Variants in DNM2 observed in about 807,000 individuals in gnomAD.
DNM2 encodes dynamin 2, also known as dynamin-2.
Under a neutral mutation model 99.0 loss-of-function variants are expected in DNM2, and 15 were observed. That is an observed-to-expected ratio of 0.15 (90% CI 0.10 to 0.23). The LOEUF is 0.23. Ranked by LOEUF, DNM2 falls within the 10% of genes least tolerant of loss-of-function variation. The pLI is 1.00. For synonymous variants in DNM2, 525 were observed against 481.2 expected, an observed-to-expected ratio of 1.09 and a Z score of -1.19; for missense variants, 742 against 1,189.4, an observed-to-expected ratio of 0.62 and a Z score of 5.53.
rs1474456266 is a variant in DNM2, at chr19:10,816,489, C to A, written c.1672-3491C>A. ...GATGTGGGAGGAGTGTGGAGCCAGG[C>A]GTGGTCTGCAGCCTTCTCCCCGCCT... On this transcript the variant is annotated intron_variant, in intron 15 of 20. Transcript: ENST00000389253. This position sits in a 1 kb window ranked among gnomAD's most constrained non-coding sequence, Gnocchi z 4.6. Among the ~76,000 whole-genome samples the A allele has an allele frequency of 6.6e-6, 1 of 152,014 alleles. No homozygotes were observed. The highest frequency in any genetic ancestry group is 2.4e-5 in the African/African-American group (1 of 41,366).
In DNM2 at chr19:10,820,587, G is replaced by A. The variant is rs994178133; in HGVS notation, c.1781+498G>A. Among the ~76,000 whole-genome samples the A allele has an allele frequency of 4.6e-5, 7 of 152,220 alleles. No homozygotes were observed. The highest frequency in any genetic ancestry group is 8.8e-5 in the Non-Finnish European group (6 of 68,026). On this transcript the variant is annotated intron_variant, in intron 16 of 20. Transcript: ENST00000389253. This position sits in a 1 kb window ranked among gnomAD's most constrained non-coding sequence, Gnocchi z 4.3. Reference sequence around the variant, plus strand: ...AGGCACCAATTGTGACCCTGAGTACGTGGGCCTGAGCTCCTGCACTGCCCA... The same window carrying A: ...AGGCACCAATTGTGACCCTGAGTACATGGGCCTGAGCTCCTGCACTGCCCA...
At chr19:10,730,049 A>G (rs898708475) in intron 1 of DNM2, among the ~76,000 whole-genome samples, 7 of 152,122 alleles carry the variant, frequency 4.6e-5, no homozygotes, top group Non-Finnish European at 8.8e-5. Flanking sequence ...TCTTTTGTAC[A>G]GATGGGGTTT....
intron 7 of DNM2, among the ~76,000 whole-genome samples, chr19:10,789,109 A>G (rs2071663149): frequency 6.6e-6 from 1 of 152,158 alleles, no homozygotes. Context: ...GAGGCAGGAG[A>G]ATCGCTTGAA....
chr19:10,797,531 G>A lies in DNM2; in HGVS notation c.1335+13G>A, dbSNP rs1257134758. ...GTGTGCCGAGAAGGTAACAGGTTTT[G>A]TTCTCATCTCCGCATTTGTCCCCGT... On this transcript the variant is annotated intron_variant, in intron 10 of 20. Coordinates refer to ENST00000389253, the MANE Select transcript of DNM2 (RefSeq NM_001005361.3). The A allele has an allele frequency of 6.2e-7, 1 of 1,613,956 alleles. No homozygotes were observed. The highest frequency in any genetic ancestry group is 1.7e-5 in the Admixed American group (1 of 60,006).
intron 1 of DNM2, among the ~76,000 whole-genome samples, chr19:10,757,732 G>A (rs2070443502): frequency 6.6e-6 from 1 of 152,028 alleles, no homozygotes; most frequent in Non-Finnish European, 1.5e-5. Context: ...ATCACCTGAG[G>A]TTGAGTTCGA....
chr19:10,759,938 C>T, intron 2 of DNM2, 127 bp downstream of exon 2: 3 of 1,300,928 alleles, frequency 2.3e-6, no homozygotes, highest in African/African-American at 1.5e-5. Context: ...ACGTGTTCCA[C>T]ATGTGTGAGG....
intron 1 of DNM2, among the ~76,000 whole-genome samples, chr19:10,720,982 G>C (rs1015809948): frequency 6.6e-6 from 1 of 152,152 alleles, no homozygotes; most frequent in Non-Finnish European, 1.5e-5. Context: ...AGGCTGTAAA[G>C]TGAGGAGTTA....
chr19:10,748,775 T>TGTGACTTTCA (rs2070087906), intron 1 of DNM2, among the ~76,000 whole-genome samples: 1 of 152,140 alleles, frequency 6.6e-6, no homozygotes, highest in Non-Finnish European at 1.5e-5. Flanking sequence ...CTGGCATCCT[T>TGTGACTTTCA]GTGACTTTCA....
At chr19:10,805,840 C>A in intron 12 of DNM2, 76 bp from the exon 13 acceptor site, 1 of 1,593,618 alleles carries the variant, frequency 6.3e-7, no homozygotes, top group Non-Finnish European at 8.6e-7. Context: ...AGGGAGAGAA[C>A]GGCCACATTC....
chr19:10,747,590 C>T (rs951936082), intron 1 of DNM2, among the ~76,000 whole-genome samples: 1 of 152,126 alleles, frequency 6.6e-6, no homozygotes, highest in Non-Finnish European at 1.5e-5. Context: ...TGAGAAGTCT[C>T]CTCATCTGTA....
chr19:10,800,183 G>T (rs2072086961), intron 11 of DNM2, among the ~76,000 whole-genome samples: 1 of 152,182 alleles, frequency 6.6e-6, no homozygotes, highest in South Asian at 2.1e-4. Flanking sequence ...TCTCTCAGTT[G>T]TCCTCTGTGT....
At chr19:10,792,365 G>T (rs2071782118) in intron 7 of DNM2, among the ~76,000 whole-genome samples, 1 of 152,162 alleles carries the variant, frequency 6.6e-6, no homozygotes, top group Admixed American at 6.5e-5. Flanking sequence ...AGTAGATCAT[G>T]ATTTTTGGGA....
At position 10,739,018 on chromosome 19, in the gene DNM2, A is replaced by G. The variant is rs189574666; in HGVS notation, c.161+20615A>G. Among the ~76,000 whole-genome samples, 16 of 151,932 alleles carry G rather than the reference A, an allele frequency of 1.1e-4. No individual in the cohort carries two copies. The East Asian group carries it at 1.9e-3, about 18-fold the overall frequency. Reference sequence around the variant, plus strand: ...CCCGTCTCTACTAAAAATACAAAAGATTAGCGGGGCGTGGTAGCGGGCGCC... The same window carrying G: ...CCCGTCTCTACTAAAAATACAAAAGGTTAGCGGGGCGTGGTAGCGGGCGCC... On this transcript the variant is annotated intron_variant, in intron 1 of 20. Transcript: ENST00000389253.
At position 10,777,211 on chromosome 19, in the gene DNM2, G is replaced by C; in HGVS notation, c.683G>C (p.Arg228Thr). 6.2e-7 allele frequency: 1 copy of C among 1,614,180 alleles called. No individual in the cohort carries two copies. The highest frequency in any genetic ancestry group is 8.5e-7 in the Non-Finnish European group (1 of 1,180,012). ...DVLENKLLPL[R>T]RGYIGVVNRS... Reference sequence around the variant, plus strand: ...TTGGAGAACAAGTTGCTCCCGTTGAGAAGAGGTGTGGCTTTGGGGGTGCTG... The same window carrying C: ...TTGGAGAACAAGTTGCTCCCGTTGACAAGAGGTGTGGCTTTGGGGGTGCTG... Residue 228 changes from arginine to threonine, a missense_variant, in exon 5 of 21, where the codon AGA (arginine) becomes ACA (threonine). Arg to Thr is a moderately conservative substitution (Grantham distance 71, BLOSUM62 -1). Around this residue, in one of 7 missense-constraint regions of DNM2, gnomAD observed 192 missense variants for 358.9 expected, o/e 0.54. Transcript: ENST00000389253.
chr19:10,729,936 C>T (rs190216202), intron 1 of DNM2, among the ~76,000 whole-genome samples: 177 of 151,720 alleles, frequency 1.2e-3, no homozygotes, highest in Non-Finnish European at 2.1e-3. Context: ...AGTCATGGCT[C>T]GCTGCAGCCT....
At chr19:10,728,043 C>T (rs745709528) in intron 1 of DNM2, among the ~76,000 whole-genome samples, 41 of 152,298 alleles carry the variant, frequency 2.7e-4, no homozygotes, top group Middle Eastern at 6.8e-3. Flanking sequence ...ACGCCTGCTT[C>T]CGGGTGCGTT....
Position 10,829,273 on chromosome 19 carries a change from G to A in DNM2, c.2291+5G>A, listed in dbSNP as rs747057769. ...CCAGAGCGCCAGCAGCCACAGGTCC[G>A]GAAGCCTGGTTCCCCTACCCTCAAG... On this transcript the variant is annotated splice_donor_5th_base_variant and intron_variant, in intron 19 of 20. Coordinates refer to ENST00000389253, the MANE Select transcript of DNM2 (RefSeq NM_001005361.3). 18 of 1,612,226 alleles carry A rather than the reference G, an allele frequency of 1.1e-5. No individual in the cohort carries two copies. The highest frequency in any genetic ancestry group is 8.3e-5 in the Admixed American group (5 of 59,998).
chr19:10,778,028 T>TTTATTTAC (rs1238471750), intron 5 of DNM2, among the ~76,000 whole-genome samples: 1 of 146,602 alleles, frequency 6.8e-6, no homozygotes, highest in Non-Finnish European at 1.5e-5. Context: ...ATTTTATTTA[T>TTTATTTAC]TTATTTATTT....
At chr19:10,771,514 C>T (rs1043900804) in intron 2 of DNM2, among the ~76,000 whole-genome samples, 6 of 141,432 alleles carry the variant, frequency 4.2e-5, no homozygotes, top group Non-Finnish European at 7.7e-5. Context: ...TCTGAGGAGG[C>T]GGCAGGGGTG....
Sources: gnomAD v4.1 joint callset for allele counts (sites outside exome capture counted in the v4.1 genomes callset) on GRCh38, gnomAD v4.1.1 for gene constraint, gnomAD v4.1.1 regional missense constraint, Gnocchi (gnomAD v3.1) non-coding constraint, MANE v1.5 for transcripts, NCBI Gene and HGNC (gene_info 2026-07-23, HGNC 2026-07-21) for gene names.